Variants in KIF6 observed in about 807,000 individuals in gnomAD.
The protein encoded by KIF6 is kinesin family member 6, also known as kinesin-like protein KIF6.
Under a neutral mutation model 112.7 loss-of-function variants are expected in KIF6, and 106 were observed. That is an observed-to-expected ratio of 0.94 (90% confidence interval 0.80 to 1.11). The LOEUF is 1.11. KIF6 is among the 50% of genes least tolerant of loss of function. The probability of loss-of-function intolerance (pLI) is 0.00; values close to 1 mark genes in which losing one functional copy is unlikely to be tolerated. For synonymous variants in KIF6, 339 were observed against 339.9 expected, an observed-to-expected ratio of 1.00 and a Z score of 0.03; for missense variants, 929 against 964.0, an observed-to-expected ratio of 0.96 and a Z score of 0.48.
intron 7 of KIF6, among the ~76,000 whole-genome samples, chr6:39,593,810 C>T (rs1022889523): frequency 1.3e-5 from 2 of 152,152 alleles, no homozygotes; most frequent in African/African-American, 4.8e-5. Context: ...CTAAGAAAAC[C>T]ATCTTCAACT....
intron 10 of KIF6, among the ~76,000 whole-genome samples, chr6:39,573,817 G>C (rs1780774549): frequency 6.6e-6 from 1 of 152,138 alleles, no homozygotes; most frequent in African/African-American, 2.4e-5. Context: ...ATCATTACTT[G>C]TGCTCATGTC....
intron 3 of KIF6, among the ~76,000 whole-genome samples, chr6:39,666,419 G>T (rs999979439): frequency 3.9e-5 from 6 of 152,176 alleles, no homozygotes; most frequent in Non-Finnish European, 5.9e-5. Flanking sequence ...ATACAACTAT[G>T]AATTGTATAC....
At chr6:39,564,209 T>C (rs1780162894) in intron 10 of KIF6, among the ~76,000 whole-genome samples, 1 of 152,172 alleles carries the variant, frequency 6.6e-6, no homozygotes, top group Non-Finnish European at 1.5e-5. Flanking sequence ...GGAAATCTGA[T>C]TTCTCCAGGA....
intron 19 of KIF6, among the ~76,000 whole-genome samples, chr6:39,346,807 C>T (rs1043271933): frequency 3.3e-5 from 5 of 152,166 alleles, no homozygotes; most frequent in African/African-American, 1.2e-4. Flanking sequence ...ATCACAACAC[C>T]TGGCTAATTT....
intron 10 of KIF6, among the ~76,000 whole-genome samples, chr6:39,557,172 G>A (rs1404191779): frequency 6.6e-6 from 1 of 152,052 alleles, no homozygotes; most frequent in African/African-American, 2.4e-5. Flanking sequence ...ATGTAAAAAT[G>A]CAAAGTAAAT....
chr6:39,525,808 GATAA>G (rs55659921), intron 13 of KIF6, among the ~76,000 whole-genome samples: 8,068 of 147,562 alleles, frequency 0.055, 520 homozygotes, highest in East Asian at 0.31. Flanking sequence ...TAACTAAATA[GATAA>G]ATAAATAAAT....
chr6:39,553,134 T>C (rs1239796085), intron 10 of KIF6, among the ~76,000 whole-genome samples: 2 of 152,234 alleles, frequency 1.3e-5, no homozygotes, highest in African/African-American at 2.4e-5. Flanking sequence ...ATATACATTA[T>C]ATGCTCCCCT....
intron 6 of KIF6, among the ~76,000 whole-genome samples, chr6:39,597,994 C>T (rs1236567493): frequency 3.3e-5 from 5 of 151,886 alleles, no homozygotes; most frequent in African/African-American, 7.3e-5. Context: ...GGTGAAACCC[C>T]GTGTGTACTA....
At chr6:39,655,420 T>G (rs944067819) in intron 3 of KIF6, among the ~76,000 whole-genome samples, 4 of 152,144 alleles carry the variant, frequency 2.6e-5, no homozygotes, top group African/African-American at 9.6e-5. Flanking sequence ...CTTTTAATAC[T>G]GCTTATAGTG....
intron 5 of KIF6, among the ~76,000 whole-genome samples, chr6:39,623,255 T>C (rs893743979): frequency 2.0e-5 from 3 of 152,340 alleles, no homozygotes; most frequent in Admixed American, 6.5e-5. Flanking sequence ...TTCTCTACTT[T>C]TTGAAACTTT....
chr6:39,385,230 G>A lies in KIF6; in HGVS notation c.1861+392C>T, dbSNP rs576170057. Among the ~76,000 whole-genome samples the A allele has an allele frequency of 5.4e-4, 82 of 152,306 alleles. No homozygotes were observed. The South Asian group carries it at 0.011, about 21-fold the overall frequency. ...GCATATGAGGCTGTGCAACAGACAC[G>A]GGTCTGTAAACAAATGCTGTTTTCA... On this transcript the variant is annotated intron_variant, in intron 16 of 22. Coordinates refer to ENST00000287152, the MANE Select transcript of KIF6 (RefSeq NM_145027.6).
At chr6:39,704,581 G>A (rs1023095135) in intron 3 of KIF6, among the ~76,000 whole-genome samples, 5 of 151,860 alleles carry the variant, frequency 3.3e-5, no homozygotes, top group African/African-American at 4.8e-5. Flanking sequence ...TCGTGCCACC[G>A]CACTCCAGCC....
intron 5 of KIF6, among the ~76,000 whole-genome samples, chr6:39,620,622 G>C (rs1446708190): frequency 6.6e-6 from 1 of 152,236 alleles, no homozygotes; most frequent in South Asian, 2.1e-4. Flanking sequence ...CAAGAAAGCA[G>C]AGCCTCATCA....
At chr6:39,544,376 G>T in intron 12 of KIF6, 179 bp downstream of exon 12, 1 of 467,350 alleles carries the variant, frequency 2.1e-6, no homozygotes, top group South Asian at 6.9e-5. Context: ...TTCTTTTATA[G>T]AAACTCTTTT....
intron 13 of KIF6, among the ~76,000 whole-genome samples, chr6:39,528,777 T>C (rs1777883684): frequency 1.3e-5 from 2 of 152,260 alleles, no homozygotes; most frequent in Admixed American, 1.3e-4. Context: ...AGAATTAATA[T>C]TGTTAAAATG....
At chr6:39,359,725 A>G (rs1457566085) in intron 18 of KIF6, among the ~76,000 whole-genome samples, 2 of 152,138 alleles carry the variant, frequency 1.3e-5, no homozygotes, top group Admixed American at 1.3e-4. Context: ...AGCTGAGACT[A>G]TAGGCACATA....
intron 19 of KIF6, among the ~76,000 whole-genome samples, chr6:39,349,992 T>C (rs1764117418): frequency 6.6e-6 from 1 of 152,156 alleles, no homozygotes. Flanking sequence ...AAGCATCTCA[T>C]TCCCTTTCGG....
At chr6:39,345,019 A>G (rs961045813) in intron 21 of KIF6, among the ~76,000 whole-genome samples, 9 of 152,168 alleles carry the variant, frequency 5.9e-5, no homozygotes, top group Non-Finnish European at 1.3e-4. Flanking sequence ...CAGCTTCTCC[A>G]TATAGCATTC....
At chr6:39,621,991 C>T (rs1326985514) in intron 5 of KIF6, among the ~76,000 whole-genome samples, 2 of 151,876 alleles carry the variant, frequency 1.3e-5, no homozygotes, top group Non-Finnish European at 2.9e-5. Context: ...CATGGTGAAA[C>T]CCCATCTCTA....
Sources: allele counts gnomAD v4.1 joint callset (sites outside exome capture counted in the v4.1 genomes callset), GRCh38; gene constraint gnomAD v4.1.1; transcripts MANE v1.5; gene names NCBI Gene and HGNC (gene_info 2026-07-23, HGNC 2026-07-21).